The following SH3GL2 variants were observed in gnomAD, a reference collection of about 807,000 sequenced individuals.
SH3GL2 encodes the protein endophilin-A1.
In SH3GL2, 24 loss-of-function variants were observed where a neutral mutation model predicts 46.0. That is an observed-to-expected ratio of 0.52 (90% confidence interval 0.38 to 0.73). The LOEUF is 0.73. Among genes scored for constraint, SH3GL2 ranks in the 30% least tolerant of loss-of-function variants. The pLI, the probability that SH3GL2 is intolerant of heterozygous loss-of-function variation, is 0.00. For missense variants in SH3GL2, 413 were observed against 424.2 expected (o/e 0.97, Z 0.23); for synonymous variants, 196 against 147.1 (o/e 1.33, Z -2.40).
chr9:17,615,156 T>C (rs915096226), intron 1 of SH3GL2, among the ~76,000 whole-genome samples: 3 of 152,188 alleles, frequency 2.0e-5, no homozygotes, highest in Non-Finnish European at 4.4e-5. Flanking sequence ...CACAATTTGG[T>C]GAATCAAAGG....
intron 1 of SH3GL2, among the ~76,000 whole-genome samples, chr9:17,615,288 C>G (rs2134588862): frequency 6.6e-6 from 1 of 152,274 alleles, no homozygotes; most frequent in South Asian, 2.1e-4. Context: ...GATAGCCTAC[C>G]TGTATTTCCT....
At chr9:17,758,050 C>G (rs552154580) in intron 2 of SH3GL2, among the ~76,000 whole-genome samples, 1 of 152,268 alleles carries the variant, frequency 6.6e-6, no homozygotes, top group South Asian at 2.1e-4. Flanking sequence ...CAGAATGTGA[C>G]TAATCATTGG....
chr9:17,641,514 A>G (rs1297616096), intron 1 of SH3GL2, among the ~76,000 whole-genome samples: 5 of 152,160 alleles, frequency 3.3e-5, no homozygotes, highest in Non-Finnish European at 7.3e-5. Context: ...ATTGATATAC[A>G]TGTGCCATGG....
intron 1 of SH3GL2, among the ~76,000 whole-genome samples, chr9:17,723,228 G>C (rs1821939174): frequency 6.6e-6 from 1 of 151,878 alleles, no homozygotes; most frequent in African/African-American, 2.4e-5. Flanking sequence ...TTTTATATTA[G>C]TGTGCATGGA....
Position 17,608,040 on chromosome 9 carries a change from T to G in SH3GL2, c.45+28753T>G, listed in dbSNP as rs373008540. Among the ~76,000 whole-genome samples the G allele has an allele frequency of 4.6e-5, 7 of 152,222 alleles. No homozygotes were observed. In the East Asian group the frequency reaches 5.8e-4, roughly 13 times the overall value. On this transcript the variant is annotated intron_variant, in intron 1 of 8. Coordinates refer to ENST00000380607, the MANE Select transcript of SH3GL2 (RefSeq NM_003026.5). ...CTCATCTGTTCAAATGAAAATGGGATCTTTGTGTTTGGGGGGCTGTTTTGC... is the reference window on the plus strand; with the variant it reads ...CTCATCTGTTCAAATGAAAATGGGAGCTTTGTGTTTGGGGGGCTGTTTTGC...
intron 2 of SH3GL2, among the ~76,000 whole-genome samples, chr9:17,757,953 T>A (rs1823048266): frequency 6.6e-6 from 1 of 152,096 alleles, no homozygotes; most frequent in South Asian, 2.1e-4. Context: ...CACAGTGTAG[T>A]TTAGCAAAAG....
At chr9:17,690,302 C>T (rs559401927) in intron 1 of SH3GL2, among the ~76,000 whole-genome samples, 1 of 152,144 alleles carries the variant, frequency 6.6e-6, no homozygotes, top group Admixed American at 6.6e-5. Context: ...GGCGAGGCCT[C>T]AGGCACTGCA....
chr9:17,705,614 A>G (rs1182072150), intron 1 of SH3GL2, among the ~76,000 whole-genome samples: 3 of 152,046 alleles, frequency 2.0e-5, no homozygotes, highest in Non-Finnish European at 4.4e-5. Flanking sequence ...ACGGAGTACT[A>G]CGCAGCTGTG....
At chr9:17,605,046 C>G (rs550414594) in intron 1 of SH3GL2, among the ~76,000 whole-genome samples, 24 of 150,366 alleles carry the variant, frequency 1.6e-4, no homozygotes, top group African/African-American at 5.9e-4. Flanking sequence ...AGTCATGGCT[C>G]ACTGCAACCT....
intron 3 of SH3GL2, among the ~76,000 whole-genome samples, chr9:17,773,666 T>G (rs1407794477): frequency 6.6e-6 from 1 of 152,178 alleles, no homozygotes; most frequent in Non-Finnish European, 1.5e-5. Context: ...TTGGCCTACA[T>G]GTCTGTCTTT....
At chr9:17,778,603 A>C (rs59114776) in intron 3 of SH3GL2, among the ~76,000 whole-genome samples, 2 of 152,052 alleles carry the variant, frequency 1.3e-5, no homozygotes, top group African/African-American at 4.8e-5. Flanking sequence ...GATGTGATCT[A>C]AATTACACTA....
intron 1 of SH3GL2, among the ~76,000 whole-genome samples, chr9:17,670,667 A>G (rs546094126): frequency 6.6e-6 from 1 of 152,342 alleles, no homozygotes; most frequent in Non-Finnish European, 1.5e-5. Context: ...CTTTAGTCCA[A>G]CTTGGCTGGC....
intron 1 of SH3GL2, chr9:17,735,796 G>C (rs1822317682): frequency 2.1e-6 from 2 of 944,082 alleles, no homozygotes; most frequent in Non-Finnish European, 2.5e-6. Context: ...TAGGAAAGAA[G>C]GGCTTAAGTT....
intron 1 of SH3GL2, among the ~76,000 whole-genome samples, chr9:17,746,464 A>G (rs1822690826): frequency 6.6e-6 from 1 of 152,252 alleles, no homozygotes; most frequent in Non-Finnish European, 1.5e-5. Context: ...ATAATGGAAA[A>G]TGATCAAGTA....
At chr9:17,648,418 G>A (rs1218874796) in intron 1 of SH3GL2, among the ~76,000 whole-genome samples, 1 of 152,076 alleles carries the variant, frequency 6.6e-6, no homozygotes, top group Non-Finnish European at 1.5e-5. Context: ...AGGAATTTGG[G>A]GCCAAATCTT....
intron 8 of SH3GL2, 68 bp from the exon 9 acceptor site, chr9:17,795,476 C>A (rs1824247824): frequency 1.3e-5 from 16 of 1,273,004 alleles, no homozygotes; most frequent in Non-Finnish European, 1.7e-5. Context: ...CAGCAGGCAG[C>A]AGATTCTGTG....
rs117922942 is a variant in SH3GL2 at position 17,708,024 on chromosome 9, A to G, written c.46-39042A>G. 5.7e-3 allele frequency among the ~76,000 whole-genome samples: 865 copies of G among 152,184 alleles called. 6 individuals carry two copies. Among genetic ancestry groups the G allele is most frequent in the Non-Finnish European group, 8.2e-3 (556 of 67,984 alleles). ...CCCCATTATTGTAAATGGAGTGCAC[A>G]AAGATAATTCAGCAAGTCCTTATCT... On this transcript the variant is annotated intron_variant, in intron 1 of 8. Transcript: ENST00000380607.
At chr9:17,678,596 A>C (rs1305027496) in intron 1 of SH3GL2, among the ~76,000 whole-genome samples, 1 of 152,018 alleles carries the variant, frequency 6.6e-6, no homozygotes, top group Non-Finnish European at 1.5e-5. Flanking sequence ...GTTCACTCTG[A>C]TGGTATTTTC....
intron 1 of SH3GL2, chr9:17,653,896 A>G (rs985825635): frequency 1.1e-5 from 11 of 961,060 alleles, no homozygotes; most frequent in East Asian, 1.1e-4. Context: ...GTGATGACCT[A>G]TCTTCAAACA....
Sources: allele counts gnomAD v4.1 joint callset (sites outside exome capture counted in the v4.1 genomes callset), GRCh38; gene constraint gnomAD v4.1.1; transcripts MANE v1.5; gene names NCBI Gene and HGNC (gene_info 2026-07-23, HGNC 2026-07-21).